BCLAF3: variants seen among roughly 807,000 people sequenced by gnomAD.
The protein encoded by BCLAF3 is BCLAF1 and THRAP3 family member 3.
Under a neutral mutation model 51.2 loss-of-function variants are expected in BCLAF3, and 24 were observed. The ratio of observed to expected loss-of-function variants is 0.47; its 90% confidence interval spans 0.34 to 0.66. BCLAF3 has a LOEUF of 0.66. Ranked by LOEUF, BCLAF3 falls within the 30% of genes least tolerant of loss-of-function variation. The pLI is 0.01. For synonymous variants in BCLAF3, 152 were observed against 176.6 expected, an observed-to-expected ratio of 0.86 and a Z score of 1.10; for missense variants, 465 against 525.1, an observed-to-expected ratio of 0.89 and a Z score of 1.12.
At chrX:19,975,252 A>AG (rs1189141792) in intron 1 of BCLAF3, among the ~76,000 whole-genome samples, 4 of 111,413 alleles carry the variant, frequency 3.6e-5, no homozygotes, top group Admixed American at 9.5e-5. Flanking sequence ...TAAAAAAAAA[A>AG]AAAGAAGAAG....
chrX:19,966,611 T>C lies in BCLAF3; in HGVS notation c.80A>G (p.Lys27Arg). 1 of 1,211,155 alleles carries C rather than the reference T, an allele frequency of 8.3e-7. No individual in the cohort carries two copies. Among genetic ancestry groups the C allele is most frequent in the Non-Finnish European group, 1.1e-6 (1 of 895,422 alleles). Residue 27 changes from lysine (K) to arginine (R), a missense_variant, in exon 3 of 12, where the codon AAG becomes AGG. By Grantham distance (26) the Lys-to-Arg change is conservative. Transcript: ENST00000379682. Reference protein sequence around the residue: ...SPVPRNAEHYKQRHSHGHYGC... With the variant: ...SPVPRNAEHYRQRHSHGHYGC... Reference sequence around the variant, plus strand: ...ATAATGCCCGTGTGAATGTCTTTGCTTGTAGTGTTCAGCATTTCTAGGTAC... The same window carrying C: ...ATAATGCCCGTGTGAATGTCTTTGCCTGTAGTGTTCAGCATTTCTAGGTAC...
chrX:19,952,418 G>C (rs1485439959), intron 7 of BCLAF3, among the ~76,000 whole-genome samples: 1 of 101,028 alleles, frequency 9.9e-6, no homozygotes, highest in Non-Finnish European at 2.0e-5. Flanking sequence ...CTCCTGGCTA[G>C]TCAAGACAGT....
chrX:19,969,030 G>A (rs1265547726), intron 2 of BCLAF3, among the ~76,000 whole-genome samples: 1 of 111,907 alleles, frequency 8.9e-6, no homozygotes, highest in African/African-American at 3.2e-5. Context: ...GGAGAATGGC[G>A]TGAACCCGGG....
intron 11 of BCLAF3, among the ~76,000 whole-genome samples, chrX:19,927,468 A>T (rs2070397071): frequency 8.9e-6 from 1 of 112,264 alleles, no homozygotes; most frequent in Non-Finnish European, 1.9e-5. Flanking sequence ...AGGCTTCATA[A>T]GTGTAAGTAT....
chrX:19,930,936 A>G (rs1406058817), intron 10 of BCLAF3, among the ~76,000 whole-genome samples: 9 of 112,875 alleles, frequency 8.0e-5, no homozygotes, highest in Non-Finnish European at 1.7e-4. Flanking sequence ...AACTAAAATT[A>G]TTCTTCTGAT....
At chrX:19,959,243 T>G (rs1380402242) in intron 4 of BCLAF3, among the ~76,000 whole-genome samples, 1 of 111,621 alleles carries the variant, frequency 9.0e-6, no homozygotes, top group African/African-American at 3.3e-5. Flanking sequence ...ACATGATGCC[T>G]CTCTTCAATC....
At chrX:19,946,208 A>G (rs1029729028) in intron 8 of BCLAF3, among the ~76,000 whole-genome samples, 78 of 111,762 alleles carry the variant, frequency 7.0e-4, no homozygotes, top group African/African-American at 2.3e-3. Context: ...GGTACCTCAG[A>G]TGGAAATGCA....
intron 11 of BCLAF3, among the ~76,000 whole-genome samples, chrX:19,925,028 C>A (rs1465063616): frequency 1.8e-5 from 2 of 111,368 alleles, no homozygotes; most frequent in Non-Finnish European, 3.8e-5. Flanking sequence ...ACTTAGGGTG[C>A]CACAATGGAA....
intron 7 of BCLAF3, among the ~76,000 whole-genome samples, chrX:19,951,996 T>C (rs1398983358): frequency 8.9e-6 from 1 of 111,888 alleles, no homozygotes; most frequent in South Asian, 3.7e-4. Flanking sequence ...AAAAGGAATG[T>C]TATTATGGAT....
intron 8 of BCLAF3, among the ~76,000 whole-genome samples, chrX:19,939,835 G>A (rs778119061): frequency 8.9e-6 from 1 of 111,774 alleles, no homozygotes; most frequent in African/African-American, 3.3e-5. Context: ...GAGACAAAAC[G>A]ACAAATATTG....
At chrX:19,973,699 T>G (rs2072325168) in intron 1 of BCLAF3, among the ~76,000 whole-genome samples, 1 of 112,159 alleles carries the variant, frequency 8.9e-6, no homozygotes, top group Non-Finnish European at 1.9e-5. Flanking sequence ...CTGGGCTTCT[T>G]TCTCCTTGGG....
intron 1 of BCLAF3, among the ~76,000 whole-genome samples, chrX:19,989,744 T>C (rs970349816): frequency 8.1e-5 from 9 of 111,650 alleles, no homozygotes; most frequent in African/African-American, 2.0e-4. Flanking sequence ...ATATTCACCA[T>C]GGTTACTTGG....
chrX:19,982,804 AT>A (rs2072660546), intron 1 of BCLAF3, among the ~76,000 whole-genome samples: 1 of 110,949 alleles, frequency 9.0e-6, no homozygotes, highest in Non-Finnish European at 1.9e-5. Flanking sequence ...ATTATGATGG[AT>A]TTGAGGTCAA....
Position 19,929,874 on chromosome X carries a change from T to G in BCLAF3, c.2017A>C (p.Ile673Leu). The part of the protein sequence containing the change: ...KSGLVQKSLY[I>L]QAKYQRLRFT... ...CGTAAACGCTGATACTTAGCCTGAA[T>G]GTACAAGCTCTTCTGTACCAGGCCT... Residue 673 changes from isoleucine to leucine, a missense_variant, in exon 11 of 12, where the codon ATT (isoleucine) becomes CTT (leucine). Ile to Leu is a conservative substitution (Grantham distance 5, BLOSUM62 2). Transcript: ENST00000379682. 1 of 1,210,911 alleles carries G rather than the reference T, an allele frequency of 8.3e-7. No individual in the cohort carries two copies. Among genetic ancestry groups the G allele is most frequent in the Non-Finnish European group, 1.1e-6 (1 of 894,788 alleles).
intron 11 of BCLAF3, among the ~76,000 whole-genome samples, chrX:19,920,565 G>A (rs1008265565): frequency 9.0e-6 from 1 of 111,411 alleles, no homozygotes; most frequent in African/African-American, 3.3e-5. Flanking sequence ...CACACCTGTA[G>A]TCCCAGCACT....
chrX:19,972,694 A>G (rs2072296167), intron 1 of BCLAF3, among the ~76,000 whole-genome samples: 1 of 111,548 alleles, frequency 9.0e-6, no homozygotes, highest in Non-Finnish European at 1.9e-5. Flanking sequence ...GGATCTGCCT[A>G]TTTGAGACAT....
rs1198691557 is a variant in BCLAF3, at chrX:19,988,850, T to C, written c.-35+2058A>G. 4.5e-5 allele frequency among the ~76,000 whole-genome samples: 5 copies of C among 111,896 alleles called. No individual in the cohort carries two copies. The East Asian group carries it at 1.1e-3, about 25-fold the overall frequency. On this transcript the variant is annotated intron_variant, in intron 1 of 11. Coordinates refer to ENST00000379682, the MANE Select transcript of BCLAF3 (RefSeq NM_001367774.2). ...ATCCTAACTTTAAATCTCTTGTTTGTTCTATTACGCCTTTGCCTCACCTAG... is the reference window on the plus strand; with the variant it reads ...ATCCTAACTTTAAATCTCTTGTTTGCTCTATTACGCCTTTGCCTCACCTAG...
chrX:19,917,174 TA>T lies in BCLAF3; in HGVS notation c.*130del. On this transcript the variant is annotated 3_prime_UTR_variant, in exon 12 of 12. Transcript: ENST00000379682. ...TAAAAAAGTTGCAGCATTCCACTAC[TA>T]AAAAATAAAGTTATTTTATCAAGAA... 1 of 605,460 alleles carries T rather than the reference TA, an allele frequency of 1.7e-6. No homozygotes were observed. The highest frequency in any genetic ancestry group is 2.6e-6 in the Non-Finnish European group (1 of 377,759). The allele number at this position is 605,460 out of a possible 1,213,427, so 49.9% of individuals were successfully genotyped here.
intron 8 of BCLAF3, among the ~76,000 whole-genome samples, chrX:19,938,874 C>T (rs1272734335): frequency 8.9e-6 from 1 of 112,484 alleles, no homozygotes; most frequent in Non-Finnish European, 1.9e-5. Flanking sequence ...GAACTAGGTA[C>T]TCCCTGCTAT....
Sources: gnomAD v4.1 joint callset for allele counts (sites outside exome capture counted in the v4.1 genomes callset) on GRCh38, gnomAD v4.1.1 for gene constraint, MANE v1.5 for transcripts, NCBI Gene and HGNC (gene_info 2026-07-23, HGNC 2026-07-21) for gene names.